ARID1A: variants seen among roughly 807,000 people sequenced by gnomAD.
ARID1A encodes the protein AT-rich interaction domain 1A, also known as AT-rich interactive domain-containing protein 1A.
ARID1A carries 20 observed loss-of-function variants against 212.6 expected under a neutral mutation model. The observed-to-expected ratio is 0.09, with a 90% CI of 0.07 to 0.14. ARID1A has a LOEUF of 0.14. ARID1A is among the 10% of genes least tolerant of loss of function. The pLI is 1.00. For synonymous variants in ARID1A, 1,376 were observed against 1,222.1 expected, an observed-to-expected ratio of 1.13 and a Z score of -2.63; for missense variants, 2,587 against 3,059.0, an observed-to-expected ratio of 0.85 and a Z score of 3.64.
intron 4 of ARID1A, among the ~76,000 whole-genome samples, chr1:26,736,176 T>C (rs1557595015): frequency 2.0e-5 from 3 of 150,310 alleles, no homozygotes; most frequent in Non-Finnish European, 4.4e-5. Context: ...TATAAAAAAT[T>C]AGCCAGGCAT....
rs144293314 is a variant in ARID1A at position 26,725,906 on chromosome 1, G to A, written c.1138-3745G>A. ...GTCCCACTCTGTTGCCCAGGCTGGA[G>A]TGCGGTGGCACAATCTCCGCTCGCT... On this transcript the variant is annotated intron_variant, in intron 1 of 19. Coordinates refer to ENST00000324856, the MANE Select transcript of ARID1A (RefSeq NM_006015.6). Among the ~76,000 whole-genome samples, 438 of 149,022 alleles carry A rather than the reference G, an allele frequency of 2.9e-3. 3 individuals carry two copies. The highest frequency in any genetic ancestry group is 0.01 in the African/African-American group (416 of 40,344).
At chr1:26,766,635 A>G in intron 10 of ARID1A, 69 bp downstream of exon 10, 1 of 1,441,054 alleles carries the variant, frequency 6.9e-7, no homozygotes, top group African/African-American at 1.4e-5. Flanking sequence ...AAGGAAAAAG[A>G]AAAGAGAGTG....
At chr1:26,762,935 T>G (rs1322317014) in intron 7 of ARID1A, 38 bp from the exon 8 acceptor site, 2 of 1,518,812 alleles carry the variant, frequency 1.3e-6, no homozygotes, top group Admixed American at 3.8e-5. Flanking sequence ...GAGTTGCTAG[T>G]GAGTGACTAA....
At position 26,766,572 on chromosome 1, in the gene ARID1A, G is replaced by A. The variant is rs1247598280; in HGVS notation, c.2988+6G>A. 3 of 1,603,618 alleles carry A rather than the reference G, an allele frequency of 1.9e-6. No homozygotes were observed. Among genetic ancestry groups the A allele is most frequent in the East Asian group, 4.5e-5 (2 of 44,716 alleles). On this transcript the variant is annotated splice_donor_region_variant and intron_variant, in intron 10 of 19. Transcript: ENST00000324856. The stretch of plus-strand genomic sequence containing the variant: ...AGACAGAATCCAAATCCAAGGTAGT[G>A]ATTTTTGTCTTGACTCCTTTCAACT...
chr1:26,766,632 A>C, intron 10 of ARID1A, 66 bp downstream of exon 10: 1 of 1,451,320 alleles, frequency 6.9e-7, no homozygotes, highest in East Asian at 2.5e-5. Flanking sequence ...AGGAAGGAAA[A>C]AGAAAAGAGA....
At position 26,779,371 on chromosome 1, in the gene ARID1A, G is replaced by A. The variant is rs776573378; in HGVS notation, c.5473G>A (p.Val1825Met). 8.7e-6 allele frequency: 14 copies of A among 1,614,226 alleles called. No individual in the cohort carries two copies. The highest frequency in any genetic ancestry group is 1.2e-5 in the Non-Finnish European group (14 of 1,180,048). ...CGTACAGAAGAATGATCCATTTGTG[G>A]TGGACTGCTCAGATAAGCTTGGGCG... is the stretch of plus-strand genomic sequence containing the variant. ...KIVQKNDPFVVDCSDKLGRVQ... is the reference protein window; with the variant it reads ...KIVQKNDPFVMDCSDKLGRVQ... The change falls in exon 20 of 20, where the codon GTG (valine) becomes ATG (methionine). Residue 1825 changes from valine (V) to methionine (M), a missense_variant. By Grantham distance (21) the Val-to-Met change is conservative (BLOSUM62 1). This residue lies in a region of ARID1A where 890 missense variants were observed against 1,098.2 expected (regional missense o/e 0.81). Transcript: ENST00000324856.
chr1:26,716,062 C>T (rs916469496), intron 1 of ARID1A, among the ~76,000 whole-genome samples: 5 of 151,508 alleles, frequency 3.3e-5, no homozygotes, highest in Non-Finnish European at 7.4e-5. Flanking sequence ...AAAAATTAGC[C>T]AGGAGTGGTG....
chr1:26,727,882 C>T (rs1305090430), intron 1 of ARID1A: 1 of 152,178 alleles, frequency 6.6e-6, no homozygotes, highest in African/African-American at 2.4e-5. Flanking sequence ...ATGTAAGCCC[C>T]CAAGCTCTTT....
chr1:26,765,860 G>C (rs921680041), intron 8 of ARID1A: 6 of 167,098 alleles, frequency 3.6e-5, no homozygotes, highest in Non-Finnish European at 7.7e-5. Flanking sequence ...GTGAAACTCT[G>C]TCTCAAAAAA....
At chr1:26,728,149 A>G (rs770652479) in intron 1 of ARID1A, among the ~76,000 whole-genome samples, 10 of 152,226 alleles carry the variant, frequency 6.6e-5, no homozygotes, top group African/African-American at 2.4e-4. Flanking sequence ...CAGTTTTACT[A>G]TGACTTTGTA....
At chr1:26,766,973 A>G (rs1414760603) in intron 10 of ARID1A, among the ~76,000 whole-genome samples, 1 of 152,114 alleles carries the variant, frequency 6.6e-6, no homozygotes. Flanking sequence ...CAGGAATGGT[A>G]CCCTGTGTTC....
Position 26,697,227 on chromosome 1 carries a change from G to A in ARID1A, c.824G>A (p.Gly275Glu), listed in dbSNP as rs575243862. 7.3e-7 allele frequency: 1 copy of A among 1,378,924 alleles called. No homozygotes were observed. 85.4% of individuals were successfully genotyped at this position (1,378,924 alleles called of 1,614,324 possible). Reference sequence around the variant, plus strand: ...GCTCAGCAGCGCTTCGGGGCCATGGGGGGAGGCGGCCCCTCCGCGGCCGGC... The same window carrying A: ...GCTCAGCAGCGCTTCGGGGCCATGGAGGGAGGCGGCCCCTCCGCGGCCGGC... ...SFAQQRFGAMGGGGPSAAGGG... is the reference protein window; with the variant it reads ...SFAQQRFGAMEGGGPSAAGGG... Residue 275 changes from glycine (G) to glutamate (E), a missense_variant, in exon 1 of 20, where the codon GGG becomes GAG. Around this residue, in one of 11 missense-constraint regions of ARID1A, gnomAD observed 735 missense variants for 590.6 expected, o/e 1.24. Coordinates refer to ENST00000324856, the MANE Select transcript of ARID1A (RefSeq NM_006015.6).
chr1:26,776,528 C>T (rs1261151844), intron 19 of ARID1A, among the ~76,000 whole-genome samples: 3 of 152,180 alleles, frequency 2.0e-5, no homozygotes, highest in Non-Finnish European at 2.9e-5. Flanking sequence ...CCGCCTCAGC[C>T]TCCCAAAGTG....
At position 26,762,350 on chromosome 1, in the gene ARID1A, C is replaced by G. The variant is rs369874454; in HGVS notation, c.2419+31C>G. ...TATACTACCCAGTTAGGAGTAGATACGGGTGAGAGGAGAAAACAGTTCCTT... is the reference window on the plus strand; with the variant it reads ...TATACTACCCAGTTAGGAGTAGATAGGGGTGAGAGGAGAAAACAGTTCCTT... On this transcript the variant is annotated intron_variant, in intron 7 of 19. Coordinates refer to ENST00000324856, the MANE Select transcript of ARID1A (RefSeq NM_006015.6). 2.2e-5 allele frequency: 35 copies of G among 1,598,030 alleles called. No individual in the cohort carries two copies. The African/African-American group carries it at 2.8e-4, about 13-fold the overall frequency.
intron 4 of ARID1A, among the ~76,000 whole-genome samples, chr1:26,737,873 A>G (rs987309237): frequency 6.6e-6 from 1 of 152,036 alleles, no homozygotes; most frequent in African/African-American, 2.4e-5. Context: ...CTCAAAAAAA[A>G]AAAAAGAAAA....
Position 26,696,880 on chromosome 1 carries a change from TGCCGTCGCC to T in ARID1A, c.482_490del (p.Val161_Ala163del), listed in dbSNP as rs2080268493. On this transcript the variant is annotated inframe_deletion, in exon 1 of 20. Transcript: ENST00000324856. ...GGCAACCCTACGGCCGGAGCCCGTC[TGCCGTCGCC>T]GCCGCCGCGGCCGCCGTCTTCCACC... 4 of 1,358,258 alleles carry T rather than the reference TGCCGTCGCC, an allele frequency of 2.9e-6. No homozygotes were observed. Among genetic ancestry groups the T allele is most frequent in the Admixed American group, 8.1e-5 (2 of 24,658 alleles). 84.1% of individuals were successfully genotyped at this position (1,358,258 alleles called of 1,614,324 possible). A position where few individuals can be genotyped will look rare whatever the true frequency, so the allele number is the denominator to read the frequency against.
At chr1:26,756,576 A>C (rs928690958) in intron 4 of ARID1A, among the ~76,000 whole-genome samples, 10 of 151,726 alleles carry the variant, frequency 6.6e-5, no homozygotes, top group South Asian at 2.1e-4. Flanking sequence ...AAAAAAAAAA[A>C]AACAAAAAAA....
At chr1:26,760,755 C>G (rs1013056749) in intron 4 of ARID1A, 101 bp from the exon 5 acceptor site, 2 of 1,290,314 alleles carry the variant, frequency 1.6e-6, no homozygotes, top group Non-Finnish European at 2.1e-6. Context: ...TGTATTTGCT[C>G]TTGGTTGTTT....
At chr1:26,759,214 T>C (rs2124047773) in intron 4 of ARID1A, among the ~76,000 whole-genome samples, 1 of 152,334 alleles carries the variant, frequency 6.6e-6, no homozygotes, top group East Asian at 1.9e-4. Context: ...TTTGTTTGTT[T>C]GTTTTTGAGA....
Sources: allele counts gnomAD v4.1 joint callset (sites outside exome capture counted in the v4.1 genomes callset), GRCh38; gene constraint gnomAD v4.1.1; regional missense constraint gnomAD v4.1.1; transcripts MANE v1.5; gene names NCBI Gene and HGNC (gene_info 2026-07-23, HGNC 2026-07-21).